ATG13: variants seen among roughly 807,000 people sequenced by gnomAD.
ATG13 encodes the protein autophagy related 13.
Under a neutral mutation model 65.5 loss-of-function variants are expected in ATG13, and 23 were observed. The ratio of observed to expected loss-of-function variants is 0.35; its 90% confidence interval spans 0.25 to 0.50. ATG13 has a LOEUF of 0.50. Ranked by LOEUF, ATG13 falls within the 20% of genes least tolerant of loss-of-function variation. The probability of loss-of-function intolerance (pLI) is 0.98; values close to 1 mark genes in which losing one functional copy is unlikely to be tolerated. For missense variants in ATG13, 566 were observed against 677.0 expected (o/e 0.84, Z 1.82); for synonymous variants, 252 against 245.2 (o/e 1.03, Z -0.26).
At chr11:46,650,088 T>G in intron 6 of ATG13, 89 bp from the exon 7 acceptor site, 1 of 1,406,212 alleles carries the variant, frequency 7.1e-7, no homozygotes, top group Non-Finnish European at 9.7e-7. Flanking sequence ...GTTCTCTGGT[T>G]AGTCAGAACA....
intron 2 of ATG13, among the ~76,000 whole-genome samples, chr11:46,634,213 A>C (rs1411091151): frequency 1.3e-5 from 2 of 150,894 alleles, no homozygotes; most frequent in Non-Finnish European, 2.9e-5. Flanking sequence ...CTCCTGTCTC[A>C]GCCTCCTCAG....
chr11:46,660,503 G>A (rs1322995180), intron 11 of ATG13, among the ~76,000 whole-genome samples: 4 of 148,116 alleles, frequency 2.7e-5, no homozygotes, highest in East Asian at 2.1e-4. Context: ...TCTGCCTCCC[G>A]GGTTCACGCC....
intron 10 of ATG13, 181 bp from the exon 11 acceptor site, chr11:46,659,211 C>CT: frequency 3.7e-6 from 2 of 546,010 alleles, no homozygotes; most frequent in Non-Finnish European, 3.3e-6. Flanking sequence ...TGTCAAACCT[C>CT]TGAGTGCCAC....
In ATG13 at chr11:46,653,840, A is replaced by AT. The variant is rs2136567933; in HGVS notation, c.459-2391dup. On this transcript the variant is annotated intron_variant, in intron 7 of 18. Coordinates refer to ENST00000683050, the MANE Select transcript of ATG13 (RefSeq NM_001346311.2). ...CGCCTCAGACTCCCAAAGTGCTGGG[A>AT]TTACAGGCGTGAGCCACCGCGCCTG... 1.3e-5 allele frequency among the ~76,000 whole-genome samples: 2 copies of AT among 151,908 alleles called. 1 individual carries two copies. The highest frequency in any genetic ancestry group is 4.2e-4 in the South Asian group (2 of 4,784).
chr11:46,647,443 A>G (rs1002913383), intron 5 of ATG13, among the ~76,000 whole-genome samples: 1 of 151,136 alleles, frequency 6.6e-6, no homozygotes, highest in African/African-American at 2.4e-5. Context: ...ATGCCTGGCT[A>G]TTTTTTGTAT....
At chr11:46,650,044 A>T in intron 6 of ATG13, 133 bp from the exon 7 acceptor site, 2 of 946,136 alleles carry the variant, frequency 2.1e-6, no homozygotes, top group Non-Finnish European at 3.0e-6. Context: ...ACATTGGCTT[A>T]CCTCAGTAAT....
chr11:46,621,843 G>T (rs2047606218), intron 1 of ATG13, among the ~76,000 whole-genome samples: 1 of 151,722 alleles, frequency 6.6e-6, no homozygotes. Flanking sequence ...CCTAACCCTT[G>T]TCCCTCACAG....
At chr11:46,650,440 C>A in intron 7 of ATG13, 123 bp downstream of exon 7, 2 of 1,319,072 alleles carry the variant, frequency 1.5e-6, no homozygotes, top group Non-Finnish European at 2.1e-6. Context: ...ATTATTGATG[C>A]TGTCGCTTTC....
chr11:46,639,892 C>G (rs931631052), intron 2 of ATG13, among the ~76,000 whole-genome samples: 1 of 143,732 alleles, frequency 7.0e-6, no homozygotes, highest in African/African-American at 2.6e-5. Context: ...CTTGCTCTGT[C>G]CCCCATGTTG....
At chr11:46,660,421 T>A (rs1459698246) in intron 11 of ATG13, among the ~76,000 whole-genome samples, 1 of 151,274 alleles carries the variant, frequency 6.6e-6, no homozygotes, top group Non-Finnish European at 1.5e-5. Flanking sequence ...TTTTCCCTTT[T>A]TTTTTTGAGA....
chr11:46,645,213 T>C, intron 3 of ATG13, 126 bp from the exon 4 acceptor site: 1 of 705,954 alleles, frequency 1.4e-6, no homozygotes. Context: ...TTTCCCAAAG[T>C]ATACTTATGA....
In ATG13 at chr11:46,672,741, G is replaced by C. The variant is rs763959502; in HGVS notation, c.*409G>C. On this transcript the variant is annotated 3_prime_UTR_variant, in exon 19 of 19. Coordinates refer to ENST00000683050, the MANE Select transcript of ATG13 (RefSeq NM_001346311.2). ...CATCCACTGTTTGACATTCCAGCTG[G>C]TGGCCAAGAGATTGGTGTGGAGTCG... The C allele has an allele frequency of 7.7e-7, 1 of 1,301,024 alleles. No individual in the cohort carries two copies. Among genetic ancestry groups the C allele is most frequent in the South Asian group, 1.2e-5 (1 of 85,486 alleles). The allele number at this position is 1,301,024 out of a possible 1,614,324, so 80.6% of individuals were successfully genotyped here.
At chr11:46,639,361 G>A (rs560718432) in intron 2 of ATG13, among the ~76,000 whole-genome samples, 2 of 152,128 alleles carry the variant, frequency 1.3e-5, no homozygotes, top group East Asian at 1.9e-4. Flanking sequence ...TGGGCCAATT[G>A]TCATAGTGGT....
At chr11:46,657,069 A>C in intron 8 of ATG13, 26 bp from the exon 9 acceptor site, 1 of 1,580,230 alleles carries the variant, frequency 6.3e-7, no homozygotes, top group Non-Finnish European at 8.7e-7. Flanking sequence ...CTGCAAAAGA[A>C]GCTAATAATG....
chr11:46,652,554 A>G (rs1434668404), intron 7 of ATG13, among the ~76,000 whole-genome samples: 5 of 152,126 alleles, frequency 3.3e-5, no homozygotes, highest in Non-Finnish European at 1.5e-5. Flanking sequence ...GTCTCTACTA[A>G]AAATGTAAAA....
At chr11:46,657,359 C>A in intron 9 of ATG13, 165 bp from the exon 10 acceptor site, 1 of 909,728 alleles carries the variant, frequency 1.1e-6, no homozygotes, top group Non-Finnish European at 1.7e-6. Flanking sequence ...TGTCCCAGAG[C>A]CAGTTTGTCC....
chr11:46,647,075 G>A (rs1006766876), intron 5 of ATG13, among the ~76,000 whole-genome samples: 1 of 152,024 alleles, frequency 6.6e-6, no homozygotes, highest in Non-Finnish European at 1.5e-5. Context: ...CAACCACTTG[G>A]TATAGGGTCT....
At chr11:46,635,621 A>G (rs1479388756) in intron 2 of ATG13, among the ~76,000 whole-genome samples, 1 of 152,236 alleles carries the variant, frequency 6.6e-6, no homozygotes, top group Non-Finnish European at 1.5e-5. Context: ...GAGCACTCAA[A>G]GAAAGAATTT....
intron 5 of ATG13, 146 bp from the exon 6 acceptor site, chr11:46,648,991 T>G (rs2058339363): frequency 1.7e-6 from 1 of 605,326 alleles, no homozygotes; most frequent in Admixed American, 3.5e-5. Context: ...TGCCCTTTTA[T>G]TTAGAGAAGA....
Sources: gnomAD v4.1 joint callset for allele counts (sites outside exome capture counted in the v4.1 genomes callset) on GRCh38, gnomAD v4.1.1 for gene constraint, MANE v1.5 for transcripts, NCBI Gene and HGNC (gene_info 2026-07-23, HGNC 2026-07-21) for gene names.